Variants in ZSWIM6 observed in about 807,000 individuals in gnomAD.
ZSWIM6 encodes the protein zinc finger SWIM-type containing 6, also known as zinc finger SWIM domain-containing protein 6.
In ZSWIM6, 9 loss-of-function variants were observed where a neutral mutation model predicts 113.2. The ratio of observed to expected loss-of-function variants is 0.08; its 90% CI spans 0.05 to 0.14. The LOEUF (loss-of-function observed/expected upper bound fraction) is 0.14, where lower values mean the gene tolerates loss of function less well. Among genes scored for constraint, ZSWIM6 ranks in the 10% least tolerant of loss-of-function variants. The probability of loss-of-function intolerance (pLI) is 1.00; values close to 1 mark genes in which losing one functional copy is unlikely to be tolerated. For synonymous variants in ZSWIM6, 611 were observed against 606.5 expected, an observed-to-expected ratio of 1.01 and a Z score of -0.11; for missense variants, 1,162 against 1,552.2, an observed-to-expected ratio of 0.75 and a Z score of 4.22.
chr5:61,471,016 A>T (rs549275394), intron 1 of ZSWIM6, among the ~76,000 whole-genome samples: 56 of 152,318 alleles, frequency 3.7e-4, no homozygotes, highest in African/African-American at 1.3e-3. Context: ...TGAGTTTTAC[A>T]TCTGCAGCTC....
intron 10 of ZSWIM6, 34 bp downstream of exon 10, chr5:61,535,653 G>A: frequency 6.5e-7 from 1 of 1,548,748 alleles, no homozygotes; most frequent in Non-Finnish European, 8.7e-7. Flanking sequence ...GCAGAGGCAG[G>A]CCACATTCCC....
chr5:61,469,958 C>T (rs993469648), intron 1 of ZSWIM6, among the ~76,000 whole-genome samples: 28 of 152,290 alleles, frequency 1.8e-4, no homozygotes, highest in African/African-American at 5.8e-4. Flanking sequence ...CCGCCTGCCT[C>T]GGCCTCCCAA....
chr5:61,456,851 G>A (rs1282417356), intron 1 of ZSWIM6, among the ~76,000 whole-genome samples: 1 of 151,152 alleles, frequency 6.6e-6, no homozygotes, highest in Non-Finnish European at 1.5e-5. Context: ...CTGAAGCAGG[G>A]AAATCAATTT....
intron 1 of ZSWIM6, among the ~76,000 whole-genome samples, chr5:61,407,529 A>G (rs1028928818): frequency 6.6e-6 from 1 of 152,236 alleles, no homozygotes; most frequent in African/African-American, 2.4e-5. Context: ...AAAAATTTTC[A>G]CAAATCATGT....
At chr5:61,443,029 A>G (rs917093778) in intron 1 of ZSWIM6, among the ~76,000 whole-genome samples, 3 of 152,210 alleles carry the variant, frequency 2.0e-5, no homozygotes, top group Admixed American at 1.3e-4. Flanking sequence ...AGCAATCTTT[A>G]TGAACACACC....
chr5:61,481,083 C>T (rs1241669533), intron 2 of ZSWIM6, among the ~76,000 whole-genome samples: 1 of 152,188 alleles, frequency 6.6e-6, no homozygotes, highest in Non-Finnish European at 1.5e-5. Flanking sequence ...AACGGTGTTA[C>T]TGTGGCAGTT....
At chr5:61,492,531 G>A (rs749764501) in intron 3 of ZSWIM6, among the ~76,000 whole-genome samples, 1 of 152,020 alleles carries the variant, frequency 6.6e-6, no homozygotes, top group Non-Finnish European at 1.5e-5. Flanking sequence ...TTATAATCTG[G>A]CCTATTTTAC....
intron 1 of ZSWIM6, among the ~76,000 whole-genome samples, chr5:61,405,948 A>G (rs1456249855): frequency 6.6e-6 from 1 of 152,210 alleles, no homozygotes; most frequent in Non-Finnish European, 1.5e-5. Flanking sequence ...TTCTTTATGT[A>G]TAGTCTGTGG....
At chr5:61,433,761 C>A (rs1579994166) in intron 1 of ZSWIM6, among the ~76,000 whole-genome samples, 1 of 152,090 alleles carries the variant, frequency 6.6e-6, no homozygotes, top group Non-Finnish European at 1.5e-5. Context: ...AGGCGTGAGC[C>A]ACCGTGCCCA....
chr5:61,504,672 C>A (rs1159439525), intron 4 of ZSWIM6, among the ~76,000 whole-genome samples: 1 of 152,178 alleles, frequency 6.6e-6, no homozygotes, highest in African/African-American at 2.4e-5. Context: ...CTATACTAAT[C>A]ATCATTGGTA....
At chr5:61,491,376 A>G (rs1026090095) in intron 3 of ZSWIM6, among the ~76,000 whole-genome samples, 5 of 152,090 alleles carry the variant, frequency 3.3e-5, no homozygotes, top group African/African-American at 9.6e-5. Flanking sequence ...TTAGAGTCAT[A>G]TAGATCTCAG....
Position 61,543,519 on chromosome 5 carries a change from A to G in ZSWIM6, c.2850A>G (p.Thr950=), listed in dbSNP as rs1749798297. The change falls in exon 14 of 14, where the codon ACA becomes ACG. Residue 950 remains threonine (T), a synonymous_variant. Coordinates refer to ENST00000252744, the MANE Select transcript of ZSWIM6 (RefSeq NM_020928.2). This position sits in a 1 kb window ranked among gnomAD's most constrained non-coding sequence, Gnocchi z 4.3. The stretch of plus-strand genomic sequence containing the variant: ...CACTCTTTACTCCCACCGAGGCCAC[A>G]AGTATAGTTGCAACTACCGTGATGT... The part of the protein sequence containing the change: ...WFTLFTPTEA[T]SIVATTVMSN... 7 of 1,551,526 alleles carry G rather than the reference A, an allele frequency of 4.5e-6. No individual in the cohort carries two copies. The highest frequency in any genetic ancestry group is 6.1e-6 in the Non-Finnish European group (7 of 1,146,984).
intron 1 of ZSWIM6, among the ~76,000 whole-genome samples, chr5:61,418,307 G>A (rs1378743784): frequency 1.3e-5 from 2 of 151,936 alleles, no homozygotes; most frequent in East Asian, 1.9e-4. Context: ...TTGCTCTGTC[G>A]CCCAGGCTGG....
At chr5:61,512,892 C>G (rs901071559) in intron 4 of ZSWIM6, among the ~76,000 whole-genome samples, 2 of 151,924 alleles carry the variant, frequency 1.3e-5, no homozygotes, top group Admixed American at 1.3e-4. Flanking sequence ...CCCCTTCCCC[C>G]GAGCTTATGC....
chr5:61,454,696 C>A (rs1038949786), intron 1 of ZSWIM6, among the ~76,000 whole-genome samples: 6 of 151,914 alleles, frequency 3.9e-5, no homozygotes, highest in Admixed American at 3.9e-4. Flanking sequence ...ATTGTCCTGC[C>A]TCAGCCTCCC....
chr5:61,507,364 G>A (rs1222141587), intron 4 of ZSWIM6, among the ~76,000 whole-genome samples: 2 of 152,124 alleles, frequency 1.3e-5, no homozygotes, highest in South Asian at 4.1e-4. Flanking sequence ...TATTGGTGTT[G>A]GGGGGTAGCA....
At position 61,336,578 on chromosome 5, in the gene ZSWIM6, C is replaced by A. The variant is rs1321238817; in HGVS notation, c.676+3630C>A. 3.9e-5 allele frequency among the ~76,000 whole-genome samples: 6 copies of A among 152,018 alleles called. No individual in the cohort carries two copies. The East Asian group carries it at 1.2e-3, about 29-fold the overall frequency. The stretch of plus-strand genomic sequence containing the variant: ...TTCGAGAGCAGCCTGGCCAACATGG[C>A]AAATCTTCGTCTCTACCAAAAAATA... On this transcript the variant is annotated intron_variant, in intron 1 of 13. Transcript: ENST00000252744.
intron 1 of ZSWIM6, among the ~76,000 whole-genome samples, chr5:61,403,873 G>A (rs1352919099): frequency 3.9e-5 from 6 of 152,194 alleles, no homozygotes; most frequent in Non-Finnish European, 7.3e-5. Flanking sequence ...ATTAAATTAT[G>A]TGGGAATTCA....
intron 1 of ZSWIM6, among the ~76,000 whole-genome samples, chr5:61,455,348 C>G (rs1253102894): frequency 6.6e-6 from 1 of 152,054 alleles, no homozygotes; most frequent in African/African-American, 2.4e-5. Flanking sequence ...AACAATGAAA[C>G]AAGGACAAAG....
Sources: gnomAD v4.1 joint callset for allele counts (sites outside exome capture counted in the v4.1 genomes callset) on GRCh38, gnomAD v4.1.1 for gene constraint, Gnocchi (gnomAD v3.1) non-coding constraint, MANE v1.5 for transcripts, NCBI Gene and HGNC (gene_info 2026-07-23, HGNC 2026-07-21) for gene names.